The following MTREX variants were observed in gnomAD, a reference collection of about 807,000 sequenced individuals.
The protein encoded by MTREX is Mtr4 exosome RNA helicase.
Under a neutral mutation model 135.4 loss-of-function variants are expected in MTREX, and 76 were observed. The ratio of observed to expected loss-of-function variants is 0.56; its 90% confidence interval spans 0.47 to 0.68. The LOEUF is 0.68. Among genes scored for constraint, MTREX ranks in the 30% least tolerant of loss-of-function variants. MTREX has a pLI of 0.00. For synonymous variants in MTREX, 404 were observed against 401.6 expected (o/e 1.01, Z -0.07); for missense variants, 920 against 1,262.1 (o/e 0.73, Z 4.11).
intron 23 of MTREX, among the ~76,000 whole-genome samples, chr5:55,413,951 G>A (rs1189134782): frequency 6.6e-6 from 1 of 152,110 alleles, no homozygotes; most frequent in African/African-American, 2.4e-5. Context: ...CAAATTTAGC[G>A]GTGTATTTTC....
Position 55,358,543 on chromosome 5 carries a change from A to G in MTREX, c.1534-30A>G, listed in dbSNP as rs1021044978. On this transcript the variant is annotated intron_variant, in intron 14 of 26. Coordinates refer to ENST00000230640, the MANE Select transcript of MTREX (RefSeq NM_015360.5). ...TATGTTTTTTACCAGTTTTTTTCCT[A>G]AACTCTGAATTTTAACTATGTTCAT... 4 of 1,556,652 alleles carry G rather than the reference A, an allele frequency of 2.6e-6. No homozygotes were observed. The African/African-American group carries it at 4.2e-5, about 16-fold the overall frequency.
rs1750930851 is a variant in MTREX, at chr5:55,414,242, A to C, written c.2808+4A>C. The C allele has an allele frequency of 6.7e-7, 1 of 1,500,136 alleles. No individual in the cohort carries two copies. Among genetic ancestry groups the C allele is most frequent in the African/African-American group, 1.5e-5 (1 of 67,658 alleles). 92.9% of individuals were successfully genotyped at this position (1,500,136 alleles called of 1,614,324 possible). On this transcript the variant is annotated splice_donor_region_variant and intron_variant, in intron 24 of 26. Coordinates refer to ENST00000230640, the MANE Select transcript of MTREX (RefSeq NM_015360.5). ...AGGACCACTTCGTCAAATGCAGGTA[A>C]GGTTTTTTTTTTTTTTTTTTGAACT...
chr5:55,336,571 CT>C, intron 5 of MTREX, among the ~76,000 whole-genome samples: 1 of 152,092 alleles, frequency 6.6e-6, no homozygotes, highest in East Asian at 1.9e-4. Flanking sequence ...TGGAATAAAT[CT>C]GGTTGTTTAT....
intron 6 of MTREX, 65 bp downstream of exon 6, chr5:55,340,249 G>A (rs1749622581): frequency 1.0e-5 from 13 of 1,297,976 alleles, no homozygotes; most frequent in Non-Finnish European, 1.2e-5. Context: ...TATTCAGTTA[G>A]AACCTGGGAA....
At chr5:55,375,345 G>A (rs988576868) in intron 16 of MTREX, among the ~76,000 whole-genome samples, 4 of 152,118 alleles carry the variant, frequency 2.6e-5, no homozygotes, top group Non-Finnish European at 4.4e-5. Context: ...TAAGAGACAG[G>A]TACGCCCCAG....
intron 15 of MTREX, among the ~76,000 whole-genome samples, chr5:55,365,214 A>G (rs1750082303): frequency 6.6e-6 from 1 of 152,208 alleles, no homozygotes; most frequent in South Asian, 2.1e-4. Context: ...GAAAGTCTGC[A>G]AACAATGTGT....
chr5:55,422,515 G>A (rs562957227), intron 25 of MTREX, among the ~76,000 whole-genome samples: 2 of 152,176 alleles, frequency 1.3e-5, no homozygotes, highest in Non-Finnish European at 2.9e-5. Context: ...CTGCATTGTC[G>A]TGGTGGTCCT....
chr5:55,380,401 A>C (rs1033170972), intron 18 of MTREX, among the ~76,000 whole-genome samples: 8 of 152,182 alleles, frequency 5.3e-5, no homozygotes, highest in East Asian at 3.9e-4. Flanking sequence ...AACATATGTC[A>C]TTCACCTGTC....
intron 18 of MTREX, 28 bp from the exon 19 acceptor site, chr5:55,387,946 A>G: frequency 6.4e-7 from 1 of 1,554,352 alleles, no homozygotes; most frequent in Non-Finnish European, 8.8e-7. Context: ...CTTAAGAATG[A>G]ATGAACATCT....
At chr5:55,364,478 A>G (rs1165138921) in intron 15 of MTREX, among the ~76,000 whole-genome samples, 1 of 152,226 alleles carries the variant, frequency 6.6e-6, no homozygotes, top group Non-Finnish European at 1.5e-5. Context: ...AATTTGGTAT[A>G]AACTATGAAA....
At chr5:55,333,332 A>T (rs1039484829) in intron 5 of MTREX, among the ~76,000 whole-genome samples, 10 of 152,184 alleles carry the variant, frequency 6.6e-5, no homozygotes, top group African/African-American at 2.4e-4. Flanking sequence ...ACTCCTGTTC[A>T]GAAGATGCTT....
chr5:55,406,609 A>T (rs1283838610), intron 22 of MTREX, among the ~76,000 whole-genome samples: 1 of 152,170 alleles, frequency 6.6e-6, no homozygotes, highest in East Asian at 1.9e-4. Context: ...GGATAATTAG[A>T]TTCCAACTCT....
At chr5:55,315,821 G>T (rs1362318187) in intron 1 of MTREX, among the ~76,000 whole-genome samples, 1 of 150,974 alleles carries the variant, frequency 6.6e-6, no homozygotes, top group Non-Finnish European at 1.5e-5. Flanking sequence ...TAGTAGGGAG[G>T]CTGGGGCCAC....
intron 1 of MTREX, among the ~76,000 whole-genome samples, chr5:55,315,289 T>C (rs1321613562): frequency 6.6e-6 from 1 of 152,210 alleles, no homozygotes; most frequent in Non-Finnish European, 1.5e-5. Flanking sequence ...TTCTCTAACA[T>C]AAATTGCAAA....
chr5:55,383,651 T>C (rs186099464), intron 18 of MTREX, among the ~76,000 whole-genome samples: 18 of 152,344 alleles, frequency 1.2e-4, no homozygotes, highest in African/African-American at 4.1e-4. Flanking sequence ...TGTATCTGCA[T>C]AGAAAGTGAC....
intron 5 of MTREX, among the ~76,000 whole-genome samples, chr5:55,337,467 A>G (rs554947100): frequency 8.5e-5 from 13 of 152,158 alleles, no homozygotes; most frequent in African/African-American, 3.1e-4. Context: ...GAGGTTTTAG[A>G]TAATTCTTTA....
intron 5 of MTREX, among the ~76,000 whole-genome samples, chr5:55,332,790 T>G (rs1477749929): frequency 6.6e-6 from 1 of 152,172 alleles, no homozygotes; most frequent in African/African-American, 2.4e-5. Context: ...GCAATTAAAT[T>G]TCTACATACA....
At chr5:55,397,763 A>C (rs1225779441) in intron 20 of MTREX, among the ~76,000 whole-genome samples, 1 of 152,258 alleles carries the variant, frequency 6.6e-6, no homozygotes, top group East Asian at 1.9e-4. Context: ...AAGGAAAACC[A>C]TTCTGCTTTA....
In MTREX at chr5:55,414,194, C is replaced by T; in HGVS notation, c.2764C>T (p.Pro922Ser). The T allele has an allele frequency of 6.4e-7, 1 of 1,570,460 alleles. No individual in the cohort carries two copies. The highest frequency in any genetic ancestry group is 1.2e-5 in the South Asian group (1 of 81,440). Residue 922 changes from proline (P) to serine (S), a missense_variant, in exon 24 of 27, where the codon CCC becomes TCC. By Grantham distance (74) the Pro-to-Ser change is moderately conservative (BLOSUM62 -1). Coordinates refer to ENST00000230640, the MANE Select transcript of MTREX (RefSeq NM_015360.5). ...FVFQENSSEM[P>S]KLTEQLAGPL... is the part of the protein sequence containing the mutation. ...TTTTCTTTTATAGTCTAGTGAGATG[C>T]CCAAATTAACAGAACAATTAGCAGG...
Sources: gnomAD v4.1 joint callset for allele counts (sites outside exome capture counted in the v4.1 genomes callset) on GRCh38, gnomAD v4.1.1 for gene constraint, MANE v1.5 for transcripts, NCBI Gene and HGNC (gene_info 2026-07-23, HGNC 2026-07-21) for gene names.